SLC39A10: variants seen among roughly 807,000 people sequenced by gnomAD.
The protein encoded by SLC39A10 is zinc transporter ZIP10.
Under a neutral mutation model 65.1 loss-of-function variants are expected in SLC39A10, and 13 were observed. The ratio of observed to expected loss-of-function variants is 0.20; its 90% confidence interval spans 0.13 to 0.32. The LOEUF (loss-of-function observed/expected upper bound fraction) is 0.32, where lower values mean the gene tolerates loss of function less well. Among genes scored for constraint, SLC39A10 ranks in the 10% least tolerant of loss-of-function variants. The pLI, the probability that SLC39A10 is intolerant of heterozygous loss-of-function variation, is 1.00. For missense variants in SLC39A10, 831 were observed against 1,018.4 expected (o/e 0.82, Z 2.50); for synonymous variants, 321 against 342.2 (o/e 0.94, Z 0.68).
chr2:195,667,377 T>G (rs11903968), intron 1 of SLC39A10, among the ~76,000 whole-genome samples: 69,672 of 152,072 alleles, frequency 0.46, 17,209 homozygotes, highest in Non-Finnish European at 0.57. Flanking sequence ...TTTTATCCCT[T>G]GAAGAATATT....
intron 1 of SLC39A10, among the ~76,000 whole-genome samples, chr2:195,669,175 G>A (rs1252977015): frequency 2.0e-5 from 3 of 151,972 alleles, no homozygotes; most frequent in Non-Finnish European, 4.4e-5. Flanking sequence ...ATGTCAGACA[G>A]TCATTTTGTT....
At chr2:195,663,964 GT>G (rs897664924) in intron 1 of SLC39A10, among the ~76,000 whole-genome samples, 1 of 151,292 alleles carries the variant, frequency 6.6e-6, no homozygotes, top group Non-Finnish European at 1.5e-5. Flanking sequence ...CTTCTCTCCC[GT>G]TTTTTCCAAA....
chr2:195,709,107 C>T (rs1691510852), intron 5 of SLC39A10, among the ~76,000 whole-genome samples: 1 of 152,162 alleles, frequency 6.6e-6, no homozygotes, highest in South Asian at 2.1e-4. Context: ...TCACTGCAAC[C>T]TTGACCTCCT....
intron 8 of SLC39A10, among the ~76,000 whole-genome samples, chr2:195,726,263 G>A (rs990455792): frequency 7.2e-5 from 11 of 152,032 alleles, no homozygotes; most frequent in African/African-American, 2.4e-4. Context: ...ATTTTTAAAC[G>A]CATTATTAAA....
At chr2:195,713,767 T>C (rs1015679213) in intron 6 of SLC39A10, among the ~76,000 whole-genome samples, 6 of 152,108 alleles carry the variant, frequency 3.9e-5, no homozygotes, top group African/African-American at 1.4e-4. Context: ...CAACTTGGGA[T>C]AGGAGAAACA....
At chr2:195,631,110 C>T (rs975634526) in intron 2 of SLC39A10, among the ~76,000 whole-genome samples, 1 of 151,984 alleles carries the variant, frequency 6.6e-6, no homozygotes, top group African/African-American at 2.4e-5. Context: ...ATCTTGAACC[C>T]AGGGGGTGGA....
At chr2:195,639,143 A>G (rs553805437) in intron 2 of SLC39A10, among the ~76,000 whole-genome samples, 7 of 152,144 alleles carry the variant, frequency 4.6e-5, no homozygotes, top group Middle Eastern at 3.4e-3. Flanking sequence ...TGTAAAGATA[A>G]GTCTTGCTAT....
chr2:195,663,556 A>G (rs1689501855), intron 1 of SLC39A10, among the ~76,000 whole-genome samples: 1 of 152,156 alleles, frequency 6.6e-6, no homozygotes, highest in South Asian at 2.1e-4. Context: ...CTGTGTATAT[A>G]TACATTATAA....
At chr2:195,615,037 C>G (rs894827970) in intron 2 of SLC39A10, among the ~76,000 whole-genome samples, 1 of 152,054 alleles carries the variant, frequency 6.6e-6, no homozygotes, top group Admixed American at 6.6e-5. Context: ...GCCCGGGGAA[C>G]AGTGAGACCT....
At chr2:195,718,853 C>A (rs2105830152) in intron 8 of SLC39A10, among the ~76,000 whole-genome samples, 1 of 151,996 alleles carries the variant, frequency 6.6e-6, no homozygotes, top group Admixed American at 6.5e-5. Context: ...GGTTACTAAC[C>A]AGCACTGAGG....
At chr2:195,638,718 T>TC (rs1688743005) in intron 2 of SLC39A10, among the ~76,000 whole-genome samples, 1 of 152,154 alleles carries the variant, frequency 6.6e-6, no homozygotes, top group African/African-American at 2.4e-5. Flanking sequence ...ATCCAGTTTG[T>TC]CTTATTATTA....
rs1176915099 is a variant in SLC39A10 at position 195,736,849 on chromosome 2, T to TATTTA, written c.*1809_*1813dup. ...ACCTAGCTAAAAGGTGCTGATATTT[T>TATTTA]ATTTAGTACTGCCAACTTCAAGTGA... On this transcript the variant is annotated 3_prime_UTR_variant, in exon 10 of 10. Transcript: ENST00000359634. The TATTTA allele has an allele frequency of 6.6e-6, 1 of 152,186 alleles. No homozygotes were observed. Among genetic ancestry groups the TATTTA allele is most frequent in the Non-Finnish European group, 1.5e-5 (1 of 67,902 alleles). 9.4% of individuals were successfully genotyped at this position (152,186 alleles called of 1,614,324 possible). A position where few individuals can be genotyped will look rare whatever the true frequency, so the allele number is the denominator to read the frequency against.
chr2:195,644,364 C>T (rs1293681497), intron 2 of SLC39A10, among the ~76,000 whole-genome samples: 11 of 130,962 alleles, frequency 8.4e-5, no homozygotes, highest in East Asian at 7.0e-4. Flanking sequence ...TTTTTTGAGA[C>T]GGAGTCTCGC....
chr2:195,720,959 T>C (rs1469717562), intron 8 of SLC39A10, among the ~76,000 whole-genome samples: 1 of 152,114 alleles, frequency 6.6e-6, no homozygotes, highest in Non-Finnish European at 1.5e-5. Context: ...TTTTTCCCCC[T>C]GTAACAGGGT....
chr2:195,737,606 T>G lies in SLC39A10; in HGVS notation c.*2565T>G, dbSNP rs1336071510. 8 of 76,496 alleles carry G rather than the reference T, an allele frequency of 1.0e-4. No homozygotes were observed. The highest frequency in any genetic ancestry group is 2.6e-4 in the Non-Finnish European group (8 of 30,982). The allele number at this position is 76,496 out of a possible 1,614,324, so 4.7% of individuals were successfully genotyped here. A position where few individuals can be genotyped will look rare whatever the true frequency, so the allele number is the denominator to read the frequency against. ...AAGCTGGAAAATATCAAATGCTGTT[T>G]TTTTTTTTTCATTGTCAACAGTGGT... On this transcript the variant is annotated 3_prime_UTR_variant, in exon 10 of 10. Transcript: ENST00000359634.
At chr2:195,629,336 G>T (rs1688536342) in intron 2 of SLC39A10, among the ~76,000 whole-genome samples, 1 of 149,540 alleles carries the variant, frequency 6.7e-6, no homozygotes, top group Non-Finnish European at 1.5e-5. Flanking sequence ...AGAGGTTGCA[G>T]TGAGCCGAGA....
intron 6 of SLC39A10, among the ~76,000 whole-genome samples, chr2:195,716,106 A>G (rs770187506): frequency 6.6e-6 from 1 of 152,234 alleles, no homozygotes. Flanking sequence ...CTTTTCAGAC[A>G]TCACAAATTG....
intron 2 of SLC39A10, among the ~76,000 whole-genome samples, chr2:195,620,748 G>A (rs1688332554): frequency 6.6e-6 from 1 of 152,176 alleles, no homozygotes; most frequent in Non-Finnish European, 1.5e-5. Context: ...ATGTACGGGA[G>A]TTGTTATTTT....
chr2:195,686,655 C>A (rs1202651633), intron 3 of SLC39A10, among the ~76,000 whole-genome samples: 1 of 152,210 alleles, frequency 6.6e-6, no homozygotes, highest in Non-Finnish European at 1.5e-5. Flanking sequence ...ACTATACAGG[C>A]ACTTCTGTTT....
Sources: allele counts gnomAD v4.1 joint callset (sites outside exome capture counted in the v4.1 genomes callset), GRCh38; gene constraint gnomAD v4.1.1; transcripts MANE v1.5; gene names NCBI Gene and HGNC (gene_info 2026-07-23, HGNC 2026-07-21).